RANBP2: variants seen among roughly 807,000 people sequenced by gnomAD.
The protein encoded by RANBP2 is RAN binding protein 2, also known as E3 SUMO-protein ligase RanBP2.
Under a neutral mutation model 303.6 loss-of-function variants are expected in RANBP2, and 57 were observed. That is an observed-to-expected ratio of 0.19 (90% CI 0.15 to 0.23). The LOEUF (loss-of-function observed/expected upper bound fraction) is 0.23, where lower values mean the gene tolerates loss of function less well. RANBP2 is among the 10% of genes least tolerant of loss of function. The probability of loss-of-function intolerance (pLI) is 1.00; values close to 1 mark genes in which losing one functional copy is unlikely to be tolerated. For synonymous variants in RANBP2, 1,167 were observed against 1,301.5 expected (o/e 0.90, Z 2.23); for missense variants, 3,138 against 3,780.8 (o/e 0.83, Z 4.46).
the RANBP2 span, among the ~76,000 whole-genome samples, chr2:109,121,737 C>T: frequency 6.6e-6 from 1 of 152,144 alleles, no homozygotes; most frequent in Non-Finnish European, 1.5e-5. Flanking sequence ...TAGGCTTCAT[C>T]TATCACCTCC....
the RANBP2 span, among the ~76,000 whole-genome samples, chr2:108,992,647 T>A: frequency 6.6e-6 from 1 of 152,360 alleles, no homozygotes; most frequent in Admixed American, 6.5e-5. Flanking sequence ...GGAAATGACA[T>A]TGCTCAAATC....
chr2:109,173,542 C>T, the RANBP2 span, among the ~76,000 whole-genome samples: 2 of 152,192 alleles, frequency 1.3e-5, no homozygotes, highest in Non-Finnish European at 2.9e-5. Flanking sequence ...GGCTGCCTAA[C>T]AACAGAGCTC....
chr2:109,248,253 A>G, the RANBP2 span, among the ~76,000 whole-genome samples: 1 of 152,160 alleles, frequency 6.6e-6, no homozygotes, highest in Non-Finnish European at 1.5e-5. Flanking sequence ...AAACAAGGTC[A>G]CTTCTCTCAA....
At chr2:109,736,189 A>T in the RANBP2 span, among the ~76,000 whole-genome samples, 1 of 152,220 alleles carries the variant, frequency 6.6e-6, no homozygotes, top group Non-Finnish European at 1.5e-5. Flanking sequence ...CAACAATTGT[A>T]TCTTTTTTCC....
chr2:108,960,191 C>T, the RANBP2 span, among the ~76,000 whole-genome samples: 5 of 152,126 alleles, frequency 3.3e-5, no homozygotes, highest in Admixed American at 3.3e-4. Flanking sequence ...TCCTGGCAAC[C>T]ACCAGTTCTC....
At chr2:109,006,527 C>T in the RANBP2 span, among the ~76,000 whole-genome samples, 3 of 152,270 alleles carry the variant, frequency 2.0e-5, no homozygotes, top group Middle Eastern at 6.8e-3. Context: ...GCCAAACACA[C>T]ACAGGATAAT....
the RANBP2 span, among the ~76,000 whole-genome samples, chr2:109,486,183 C>T: frequency 3.3e-5 from 5 of 152,222 alleles, no homozygotes; most frequent in South Asian, 2.1e-4. Flanking sequence ...AATCACTTAC[C>T]GAGTTGCATG....
the RANBP2 span, among the ~76,000 whole-genome samples, chr2:109,145,611 C>T: frequency 6.6e-6 from 1 of 152,218 alleles, no homozygotes; most frequent in Admixed American, 6.5e-5. Context: ...ACCTTTGGCA[C>T]TGCTATCGCC....
At chr2:109,682,804 A>G in the RANBP2 span, among the ~76,000 whole-genome samples, 1 of 152,008 alleles carries the variant, frequency 6.6e-6, no homozygotes, top group Non-Finnish European at 1.5e-5. Flanking sequence ...AAAAAACCCA[A>G]CCCATATCAC....
At chr2:109,612,380 T>C in the RANBP2 span, among the ~76,000 whole-genome samples, 2 of 152,188 alleles carry the variant, frequency 1.3e-5, no homozygotes, top group Non-Finnish European at 2.9e-5. Context: ...ACATCCTTTA[T>C]CTTCACTGTA....
At chr2:109,349,612 G>A in the RANBP2 span, among the ~76,000 whole-genome samples, 18 of 152,302 alleles carry the variant, frequency 1.2e-4, no homozygotes, top group South Asian at 4.1e-4. Flanking sequence ...TAAGGAGACA[G>A]ACCCCATAAT....
the RANBP2 span, among the ~76,000 whole-genome samples, chr2:108,937,576 A>C: frequency 6.6e-6 from 1 of 151,708 alleles, no homozygotes; most frequent in Non-Finnish European, 1.5e-5. Flanking sequence ...GTGTATGCTT[A>C]TGTGTAAGTG....
chr2:108,843,777 C>A, the RANBP2 span, among the ~76,000 whole-genome samples: 192 of 148,516 alleles, frequency 1.3e-3, 4 homozygotes, highest in East Asian at 0.035. Flanking sequence ...TTAGTTTCTT[C>A]AGTCTCTGGG....
intron 17 of RANBP2, among the ~76,000 whole-genome samples, chr2:108,757,630 T>C (rs1299795287): frequency 6.6e-6 from 1 of 152,210 alleles, no homozygotes; most frequent in Non-Finnish European, 1.5e-5. Context: ...AGTGAAAAGC[T>C]AATTTGGGGA....
chr2:109,548,336 T>C, the RANBP2 span, among the ~76,000 whole-genome samples: 1 of 152,324 alleles, frequency 6.6e-6, no homozygotes, highest in East Asian at 1.9e-4. Flanking sequence ...ATTAACATTT[T>C]AGTTCTGGGT....
the RANBP2 span, among the ~76,000 whole-genome samples, chr2:109,237,156 G>C: frequency 2.0e-5 from 3 of 152,150 alleles, no homozygotes; most frequent in Admixed American, 2.0e-4. Flanking sequence ...ATTTTAAAGA[G>C]TTAATATTTG....
the RANBP2 span, among the ~76,000 whole-genome samples, chr2:109,066,727 G>A: frequency 1.3e-5 from 2 of 152,224 alleles, no homozygotes; most frequent in South Asian, 2.1e-4. Context: ...TGGCTTCACT[G>A]GGGGATGGCG....
At chr2:109,352,630 G>A in the RANBP2 span, among the ~76,000 whole-genome samples, 8 of 152,310 alleles carry the variant, frequency 5.3e-5, no homozygotes, top group Admixed American at 2.6e-4. Flanking sequence ...TGGGCACCCC[G>A]CTTGGGCTAC....
the RANBP2 span, among the ~76,000 whole-genome samples, chr2:109,127,015 A>G: frequency 6.6e-6 from 1 of 152,192 alleles, no homozygotes; most frequent in East Asian, 1.9e-4. Context: ...TCATGTGAAC[A>G]TGTTTCCATG....
Sources: gnomAD v4.1 joint callset for allele counts (sites outside exome capture counted in the v4.1 genomes callset) on GRCh38, gnomAD v4.1.1 for gene constraint, MANE v1.5 for transcripts, NCBI Gene and HGNC (gene_info 2026-07-23, HGNC 2026-07-21) for gene names.